Variants in VPS13A observed in about 807,000 individuals in gnomAD.
VPS13A encodes intermembrane lipid transfer protein VPS13A.
A neutral mutation model predicts 390.9 loss-of-function variants in VPS13A; 264 were observed. The observed-to-expected ratio is 0.68, with a 90% CI of 0.61 to 0.75. The LOEUF (loss-of-function observed/expected upper bound fraction) is 0.75, where lower values mean the gene tolerates loss of function less well. VPS13A is among the 30% of genes least tolerant of loss of function. The probability of loss-of-function intolerance (pLI) is 0.00; values close to 1 mark genes in which losing one functional copy is unlikely to be tolerated. For synonymous variants in VPS13A, 1,231 were observed against 1,227.1 expected (o/e 1.00, Z -0.07); for missense variants, 3,409 against 3,733.9 (o/e 0.91, Z 2.27).
intron 34 of VPS13A, among the ~76,000 whole-genome samples, chr9:77,306,414 T>G (rs7467779): frequency 0.013 from 1,812 of 140,816 alleles, 26 homozygotes; most frequent in African/African-American, 0.034. Flanking sequence ...GTGTGTGTGT[T>G]TGTGTGTGTG....
At chr9:77,373,238 C>T (rs1213719785) in intron 67 of VPS13A, among the ~76,000 whole-genome samples, 1 of 149,444 alleles carries the variant, frequency 6.7e-6, no homozygotes, top group African/African-American at 2.4e-5. Flanking sequence ...TCAAACTATA[C>T]TACAAGGCTA....
At chr9:77,180,526 A>G (rs1010604130) in intron 1 of VPS13A, among the ~76,000 whole-genome samples, 3 of 152,152 alleles carry the variant, frequency 2.0e-5, no homozygotes, top group East Asian at 1.9e-4. Flanking sequence ...TCCCAACCCA[A>G]AGTCAAAGAT....
At chr9:77,366,592 G>A (rs946456379) in intron 60 of VPS13A, 135 bp from the exon 61 acceptor site, 29 of 740,008 alleles carry the variant, frequency 3.9e-5, no homozygotes, top group Middle Eastern at 3.9e-4. Context: ...TCTACTTAGT[G>A]ATTTTAACAT....
chr9:77,201,443 T>G (rs1031390957), intron 3 of VPS13A, 36 bp downstream of exon 3: 4 of 1,534,404 alleles, frequency 2.6e-6, no homozygotes, highest in Non-Finnish European at 2.7e-6. Context: ...TCCTCCTTCC[T>G]GGACATGCAG....
At chr9:77,314,373 T>C in intron 36 of VPS13A, 122 bp from the exon 37 acceptor site, 1 of 1,106,768 alleles carries the variant, frequency 9.0e-7, no homozygotes, top group South Asian at 1.4e-5. Flanking sequence ...ATTAGAGCCC[T>C]TCGGAGACAG....
At chr9:77,245,763 G>T (rs1432355198) in intron 19 of VPS13A, among the ~76,000 whole-genome samples, 4 of 152,184 alleles carry the variant, frequency 2.6e-5, no homozygotes, top group Non-Finnish European at 5.9e-5. Context: ...TGTCCCAGAT[G>T]TAATTTATTA....
intron 45 of VPS13A, among the ~76,000 whole-genome samples, chr9:77,328,782 A>G (rs1830139671): frequency 6.6e-6 from 1 of 152,182 alleles, no homozygotes. Context: ...TCTTAGGAGA[A>G]TGTTATAGCT....
rs200280742 is a variant in VPS13A, at chr9:77,302,991, C to T, written c.3889C>T (p.Arg1297Ter). ...ATTAAATCTTGAGGTTGTGGTTGAA[C>T]GAAATTTATGCTGGGAGTGGTACCA... is the stretch of plus-strand genomic sequence containing the variant. ...LPLNLEVVVE[R>*]NLCWEWYQEV... Residue 1297 changes from arginine to a stop codon, truncating the protein, a stop_gained, in exon 34 of 72, where the codon CGA becomes TGA. Coordinates refer to ENST00000360280, the MANE Select transcript of VPS13A (RefSeq NM_033305.3). LOFTEE classifies it high-confidence loss of function. 15 of 1,613,858 alleles carry T rather than the reference C, an allele frequency of 9.3e-6. No individual in the cohort carries two copies. In the Admixed American group the frequency reaches 1.5e-4, roughly 16 times the overall value.
chr9:77,335,746 C>G lies in VPS13A; in HGVS notation c.6096-1509C>G, dbSNP rs142935609. ...GTGGAGAAATAGGAATGCTTTTACA[C>G]TTTTGGTGGTAGTGTAAATTAGTTC... On this transcript the variant is annotated intron_variant, in intron 46 of 71. Transcript: ENST00000360280. 4.4e-3 allele frequency among the ~76,000 whole-genome samples: 670 copies of G among 152,286 alleles called. 4 individuals are homozygous for G. Among genetic ancestry groups the G allele is most frequent in the South Asian group, 0.015 (72 of 4,828 alleles).
At chr9:77,389,197 T>C (rs1833809336) in intron 68 of VPS13A, among the ~76,000 whole-genome samples, 1 of 152,186 alleles carries the variant, frequency 6.6e-6, no homozygotes. Flanking sequence ...TACGTATTTT[T>C]ATAAGCAGCA....
chr9:77,358,306 C>G, intron 56 of VPS13A, 51 bp from the exon 57 acceptor site: 1 of 1,421,496 alleles, frequency 7.0e-7, no homozygotes, highest in Non-Finnish European at 9.9e-7. Context: ...TTATTCTGGT[C>G]AGGTTGTATA....
intron 68 of VPS13A, among the ~76,000 whole-genome samples, chr9:77,383,977 T>TG (rs77588326): frequency 9.4e-5 from 14 of 148,798 alleles, no homozygotes; most frequent in Non-Finnish European, 1.6e-4. Context: ...TTTTTTTTTT[T>TG]TAATCAAAGC....
chr9:77,196,921 T>A (rs1037045915), intron 1 of VPS13A, among the ~76,000 whole-genome samples: 1 of 152,190 alleles, frequency 6.6e-6, no homozygotes, highest in African/African-American at 2.4e-5. Flanking sequence ...ACTTCCATAG[T>A]GTGTTTTATA....
chr9:77,300,177 T>A (rs561763577), intron 33 of VPS13A, among the ~76,000 whole-genome samples: 2 of 152,198 alleles, frequency 1.3e-5, no homozygotes, highest in Admixed American at 1.3e-4. Flanking sequence ...TTTGAGTGCA[T>A]AAATTTTTCC....
At chr9:77,321,099 T>C in intron 42 of VPS13A, 70 bp from the exon 43 acceptor site, 1 of 1,347,706 alleles carries the variant, frequency 7.4e-7, no homozygotes, top group South Asian at 1.2e-5. Context: ...CTAATGTTGG[T>C]ATTGGGATTT....
At chr9:77,258,613 G>A (rs957075648) in intron 22 of VPS13A, among the ~76,000 whole-genome samples, 1 of 152,008 alleles carries the variant, frequency 6.6e-6, no homozygotes, top group African/African-American at 2.4e-5. Flanking sequence ...ACCATGCTAC[G>A]CATTCCCTTG....
intron 71 of VPS13A, among the ~76,000 whole-genome samples, chr9:77,414,225 C>A (rs1835067635): frequency 6.6e-6 from 1 of 152,288 alleles, no homozygotes; most frequent in African/African-American, 2.4e-5. Flanking sequence ...TTGACTTAGC[C>A]ATCCCATTAC....
At chr9:77,251,999 T>C (rs2131271265) in intron 21 of VPS13A, among the ~76,000 whole-genome samples, 1 of 152,304 alleles carries the variant, frequency 6.6e-6, no homozygotes, top group South Asian at 2.1e-4. Flanking sequence ...GCATTATTGC[T>C]TTACTGCCAT....
At chr9:77,250,371 G>C (rs1361057070) in intron 21 of VPS13A, 142 bp downstream of exon 21, 4 of 1,061,254 alleles carry the variant, frequency 3.8e-6, no homozygotes, top group Non-Finnish European at 5.5e-6. Flanking sequence ...TTGTCTAGCT[G>C]TTCTTACCAG....
Sources: gnomAD v4.1 joint callset for allele counts (sites outside exome capture counted in the v4.1 genomes callset) on GRCh38, gnomAD v4.1.1 for gene constraint, MANE v1.5 for transcripts, NCBI Gene and HGNC (gene_info 2026-07-23, HGNC 2026-07-21) for gene names.